The following FAM174B variants were observed in gnomAD, a reference collection of about 807,000 sequenced individuals.
The protein encoded by FAM174B is membrane protein FAM174B.
In FAM174B, 12 loss-of-function variants were observed where a neutral mutation model predicts 10.9. The observed-to-expected ratio is 1.10, with a 90% CI of 0.71 to 1.79. The LOEUF (loss-of-function observed/expected upper bound fraction) is 1.79. Ranked by LOEUF, FAM174B falls within the 40% of genes most tolerant of loss-of-function variation. The probability of loss-of-function intolerance (pLI) is 0.00; values close to 1 mark genes in which losing one functional copy is unlikely to be tolerated. For missense variants in FAM174B, 266 were observed against 233.3 expected (o/e 1.14, Z -0.91); for synonymous variants, 132 against 115.8 (o/e 1.14, Z -0.90).
At chr15:92,623,131 G>C (rs1400400699) in intron 2 of FAM174B, among the ~76,000 whole-genome samples, 18 of 151,754 alleles carry the variant, frequency 1.2e-4, no homozygotes, top group Admixed American at 1.2e-3. Context: ...ACTCCAGCCT[G>C]GGCAACAAAA....
intron 1 of FAM174B, among the ~76,000 whole-genome samples, chr15:92,654,837 G>A (rs912640078): frequency 6.6e-6 from 1 of 151,864 alleles, no homozygotes; most frequent in Non-Finnish European, 1.5e-5. Context: ...TAGGCGGGGC[G>A]TGAGGGAGCT....
chr15:92,619,367 C>A lies in FAM174B; in HGVS notation c.*89G>T, dbSNP rs750567500. ...TTCGTTTTGGTTTCAACACCTCCGA[C>A]GCAAGAGGGCTTCCAGGTCCAGTCC... On this transcript the variant is annotated 3_prime_UTR_variant, in exon 3 of 3. Coordinates refer to ENST00000327355, the MANE Select transcript of FAM174B (RefSeq NM_207446.3). The A allele has an allele frequency of 2.0e-6, 3 of 1,524,956 alleles. No homozygotes were observed. Among genetic ancestry groups the A allele is most frequent in the Non-Finnish European group, 2.7e-6 (3 of 1,099,926 alleles). The allele number at this position is 1,524,956 out of a possible 1,614,324, so 94.5% of individuals were successfully genotyped here.
chr15:92,631,375 A>T lies in FAM174B; in HGVS notation c.345-1030T>A, dbSNP rs867280155. On this transcript the variant is annotated intron_variant, in intron 1 of 2. Transcript: ENST00000327355. Reference sequence around the variant, plus strand: ...ATATATTATATATTATATTATATATAATATATTATATATTATATATTATAT... The same window carrying T: ...ATATATTATATATTATATTATATATTATATATTATATATTATATATTATAT... 7.4e-4 allele frequency among the ~76,000 whole-genome samples: 22 copies of T among 29,666 alleles called. 2 individuals are homozygous for T. Among genetic ancestry groups the T allele is most frequent in the African/African-American group, 2.8e-3 (13 of 4,578 alleles). The allele number at this position is 29,666 out of a possible 152,430, so 19.5% of individuals were successfully genotyped here.
chr15:92,637,804 C>T lies in FAM174B; in HGVS notation c.345-7459G>A, dbSNP rs368500916. On this transcript the variant is annotated intron_variant, in intron 1 of 2. Transcript: ENST00000327355. ...ACACGGCTGTGATGAAGCTGAAATCCCCTGGGTCCATTCGTGGGCAGTGGG... is the reference window on the plus strand; with the variant it reads ...ACACGGCTGTGATGAAGCTGAAATCTCCTGGGTCCATTCGTGGGCAGTGGG... 7.9e-5 allele frequency among the ~76,000 whole-genome samples: 12 copies of T among 152,308 alleles called. No homozygotes were observed. In the East Asian group the frequency reaches 2.3e-3, roughly 29 times the overall value.
chr15:92,621,588 GT>G (rs1164437047), intron 2 of FAM174B, among the ~76,000 whole-genome samples: 1 of 148,786 alleles, frequency 6.7e-6, no homozygotes, highest in Non-Finnish European at 1.5e-5. Flanking sequence ...TCCAGCCTGG[GT>G]GACAGAGCAA....
intron 1 of FAM174B, among the ~76,000 whole-genome samples, chr15:92,632,681 GT>G (rs59050481): frequency 0.15 from 21,267 of 146,302 alleles, 1,731 homozygotes; most frequent in East Asian, 0.26. Flanking sequence ...TGGCTGGGTT[GT>G]TTTTTTTTTT....
chr15:92,641,515 G>A (rs1400783728), intron 1 of FAM174B, among the ~76,000 whole-genome samples: 1 of 152,108 alleles, frequency 6.6e-6, no homozygotes, highest in Admixed American at 6.5e-5. Flanking sequence ...TAACCACTCA[G>A]ACACACAAGA....
chr15:92,622,512 G>A (rs150433301), intron 2 of FAM174B, among the ~76,000 whole-genome samples: 179 of 152,350 alleles, frequency 1.2e-3, no homozygotes, highest in African/African-American at 4.0e-3. Context: ...CTCCAGAGGA[G>A]GCTGGCTGTA....
chr15:92,631,571 T>G (rs1394869533), intron 1 of FAM174B, among the ~76,000 whole-genome samples: 1 of 138,072 alleles, frequency 7.2e-6, no homozygotes, highest in East Asian at 2.0e-4. Flanking sequence ...CTCGGCTCAC[T>G]GCAAGCTCCG....
At chr15:92,625,827 G>C (rs906359362) in intron 2 of FAM174B, among the ~76,000 whole-genome samples, 26 of 152,268 alleles carry the variant, frequency 1.7e-4, no homozygotes, top group African/African-American at 6.3e-4. Context: ...TAGTCTTTCC[G>C]AACAGTCAGT....
At chr15:92,653,154 C>T (rs2050978394) in intron 1 of FAM174B, 1 of 152,164 alleles carries the variant, frequency 6.6e-6, no homozygotes, top group Non-Finnish European at 1.5e-5. Context: ...GATTGCCTTC[C>T]TGGGAAGAGA....
rs867130565 is a variant in FAM174B, at chr15:92,631,438, T to A, written c.345-1093A>T. 1.3e-3 allele frequency among the ~76,000 whole-genome samples: 93 copies of A among 69,864 alleles called. 3 individuals are homozygous for A. The highest frequency in any genetic ancestry group is 6.2e-3 in the African/African-American group (81 of 13,100). 45.8% of individuals were successfully genotyped at this position (69,864 alleles called of 152,430 possible). ...AATATATAATATATAATATAATATA[T>A]TATATATATAACATAATATATATTA... is the stretch of plus-strand genomic sequence containing the variant. On this transcript the variant is annotated intron_variant, in intron 1 of 2. Transcript: ENST00000327355.
At chr15:92,635,989 C>T (rs1174601700) in intron 1 of FAM174B, among the ~76,000 whole-genome samples, 1 of 152,140 alleles carries the variant, frequency 6.6e-6, no homozygotes, top group African/African-American at 2.4e-5. Flanking sequence ...CCTTCAGATC[C>T]GCAAGCCTGT....
At chr15:92,624,051 G>A (rs1015190466) in intron 2 of FAM174B, among the ~76,000 whole-genome samples, 2 of 151,900 alleles carry the variant, frequency 1.3e-5, no homozygotes, top group African/African-American at 4.8e-5. Context: ...AATTTTTAAG[G>A]TGCCCTGGCT....
At chr15:92,639,787 C>G (rs1194093559) in intron 1 of FAM174B, among the ~76,000 whole-genome samples, 8 of 152,166 alleles carry the variant, frequency 5.3e-5, no homozygotes, top group Non-Finnish European at 1.2e-4. Flanking sequence ...CCTGCTCCCA[C>G]CATGTGAGTG....
chr15:92,629,009 G>T (rs1173827938), intron 2 of FAM174B, among the ~76,000 whole-genome samples: 1 of 152,112 alleles, frequency 6.6e-6, no homozygotes, highest in Non-Finnish European at 1.5e-5. Flanking sequence ...TGATCCACAG[G>T]CAATGCAGTT....
intron 2 of FAM174B, among the ~76,000 whole-genome samples, chr15:92,622,256 C>A (rs1294934131): frequency 2.0e-5 from 3 of 152,246 alleles, no homozygotes; most frequent in African/African-American, 4.8e-5. Context: ...AACGCCCACA[C>A]ATACACAAGG....
intron 1 of FAM174B, among the ~76,000 whole-genome samples, chr15:92,649,406 C>T (rs887813425): frequency 5.3e-5 from 8 of 152,220 alleles, no homozygotes; most frequent in African/African-American, 1.9e-4. Flanking sequence ...GAAACAGATG[C>T]ACCTGCCTGA....
Position 92,655,645 on chromosome 15 carries a change from C to T in FAM174B, c.15G>A (p.Pro5=), listed in dbSNP as rs757973693. MRAV[P]LPAPLLPLLL... ...GCAGCGGCAGGAGCGGGGCGGGCAGCGGCACGGCGCGCATAGTGCGGTGGG... is the reference window on the plus strand; with the variant it reads ...GCAGCGGCAGGAGCGGGGCGGGCAGTGGCACGGCGCGCATAGTGCGGTGGG... Residue 5 remains proline, a synonymous_variant, in exon 1 of 3, where the codon CCG becomes CCA. Coordinates refer to ENST00000327355, the MANE Select transcript of FAM174B (RefSeq NM_207446.3). 3.2e-6 allele frequency: 4 copies of T among 1,253,456 alleles called. No individual in the cohort carries two copies. Among genetic ancestry groups the T allele is most frequent in the Non-Finnish European group, 3.0e-6 (3 of 1,004,296 alleles). The allele number at this position is 1,253,456 out of a possible 1,614,324, so 77.6% of individuals were successfully genotyped here. A position where few individuals can be genotyped will look rare whatever the true frequency, so the allele number is the denominator to read the frequency against.
Sources: allele counts gnomAD v4.1 joint callset (sites outside exome capture counted in the v4.1 genomes callset), GRCh38; gene constraint gnomAD v4.1.1; transcripts MANE v1.5; gene names NCBI Gene and HGNC (gene_info 2026-07-23, HGNC 2026-07-21).